The following PIK3CB variants were observed in gnomAD, a reference collection of about 807,000 sequenced individuals.
PIK3CB encodes phosphatidylinositol-4,5-bisphosphate 3-kinase catalytic subunit beta, also known as phosphatidylinositol 4,5-bisphosphate 3-kinase catalytic subunit beta isoform.
A neutral mutation model predicts 136.8 loss-of-function variants in PIK3CB; 39 were observed. The observed-to-expected ratio is 0.29, with a 90% CI of 0.22 to 0.37. PIK3CB has a LOEUF of 0.37. Ranked by LOEUF, PIK3CB falls within the 10% of genes least tolerant of loss-of-function variation. The probability of loss-of-function intolerance (pLI) is 1.00; values close to 1 mark genes in which losing one functional copy is unlikely to be tolerated. For missense variants in PIK3CB, 868 were observed against 1,275.4 expected, an observed-to-expected ratio of 0.68 and a Z score of 4.87; for synonymous variants, 428 against 436.6, an observed-to-expected ratio of 0.98 and a Z score of 0.25.
chr3:138,694,336 C>T (rs888934309), intron 14 of PIK3CB, among the ~76,000 whole-genome samples: 1 of 152,050 alleles, frequency 6.6e-6, no homozygotes, highest in African/African-American at 2.4e-5. Flanking sequence ...ACAAGCTTCC[C>T]TTGCAGACTT....
chr3:138,805,602 G>A (rs1463626506), intron 1 of PIK3CB, among the ~76,000 whole-genome samples: 1 of 151,512 alleles, frequency 6.6e-6, no homozygotes, highest in Admixed American at 6.6e-5. Context: ...AACCTGGGAG[G>A]CGGAGCTTGC....
At chr3:138,765,082 C>A (rs1010675458) in intron 2 of PIK3CB, among the ~76,000 whole-genome samples, 2 of 152,174 alleles carry the variant, frequency 1.3e-5, no homozygotes, top group Non-Finnish European at 2.9e-5. Flanking sequence ...ATCCCACTAG[C>A]ACTTTGGGAG....
At chr3:138,825,824 C>A (rs1410477933) in intron 1 of PIK3CB, 2 of 1,100,182 alleles carry the variant, frequency 1.8e-6, no homozygotes, top group African/African-American at 3.1e-5. Flanking sequence ...TGTTGAAATG[C>A]ACCATGAAGC....
chr3:138,798,944 C>T (rs2046139372), intron 1 of PIK3CB, among the ~76,000 whole-genome samples: 1 of 152,082 alleles, frequency 6.6e-6, no homozygotes, highest in Non-Finnish European at 1.5e-5. Context: ...AAAAGCCTCA[C>T]CAAGCCAGGC....
intron 10 of PIK3CB, 195 bp from the exon 11 acceptor site, chr3:138,707,484 A>G: frequency 7.5e-7 from 1 of 1,330,780 alleles, no homozygotes; most frequent in Non-Finnish European, 9.5e-7. Flanking sequence ...GTTTGCATAC[A>G]TGTTTTAAAA....
intron 13 of PIK3CB, 106 bp downstream of exon 13, chr3:138,698,801 A>T: frequency 1.6e-6 from 1 of 619,478 alleles, no homozygotes; most frequent in Non-Finnish European, 2.7e-6. Flanking sequence ...TCTCCTGCTT[A>T]AATTATCCTA....
intron 7 of PIK3CB, 78 bp downstream of exon 7, chr3:138,734,556 A>G: frequency 9.4e-7 from 1 of 1,067,586 alleles, no homozygotes; most frequent in Non-Finnish European, 1.3e-6. Context: ...TGAGCAAAGG[A>G]AATATGTGTG....
At chr3:138,819,905 C>T (rs1933485069) in intron 1 of PIK3CB, among the ~76,000 whole-genome samples, 1 of 152,164 alleles carries the variant, frequency 6.6e-6, no homozygotes, top group Non-Finnish European at 1.5e-5. Context: ...GAACCTCAGG[C>T]AGAAGCTGCA....
chr3:138,719,648 G>A (rs1023599108), intron 8 of PIK3CB, among the ~76,000 whole-genome samples: 1 of 151,894 alleles, frequency 6.6e-6, no homozygotes, highest in Admixed American at 6.6e-5. Context: ...CTAAATAAAA[G>A]TTTAGTTGCC....
intron 2 of PIK3CB, among the ~76,000 whole-genome samples, chr3:138,763,470 T>C (rs970222026): frequency 3.9e-5 from 6 of 152,186 alleles, no homozygotes; most frequent in Non-Finnish European, 8.8e-5. Flanking sequence ...GGTGGGTTTA[T>C]GAAACATCAG....
intron 8 of PIK3CB, among the ~76,000 whole-genome samples, chr3:138,725,705 T>C (rs2044822337): frequency 6.6e-6 from 1 of 152,246 alleles, no homozygotes; most frequent in African/African-American, 2.4e-5. Flanking sequence ...TTATATCTTC[T>C]ATTTAATGGC....
In PIK3CB at chr3:138,756,315, T is replaced by C. The variant is rs569141328; in HGVS notation, c.172-336A>G. Among the ~76,000 whole-genome samples, 17 of 152,206 alleles carry C rather than the reference T, an allele frequency of 1.1e-4. 1 individual carries two copies. In the South Asian group the frequency reaches 3.5e-3, roughly 31 times the overall value. ...ATATAATGGCATAGTGCACAAAAAA[T>C]GCATTATAAATGAAATTACTAAAAG... On this transcript the variant is annotated intron_variant, in intron 3 of 23. Coordinates refer to ENST00000674063, the MANE Select transcript of PIK3CB (RefSeq NM_006219.3).
intron 1 of PIK3CB, among the ~76,000 whole-genome samples, chr3:138,806,730 G>A (rs2046238379): frequency 6.6e-6 from 1 of 152,122 alleles, no homozygotes; most frequent in Admixed American, 6.5e-5. Flanking sequence ...TGTATTAGGA[G>A]GATAGTGAGA....
chr3:138,719,670 TACA>T (rs926407166), intron 8 of PIK3CB, among the ~76,000 whole-genome samples: 1 of 152,130 alleles, frequency 6.6e-6, no homozygotes, highest in Non-Finnish European at 1.5e-5. Flanking sequence ...GTAAGAACCA[TACA>T]ACAATTATTT....
chr3:138,656,383 T>C, intron 22 of PIK3CB, 109 bp from the exon 23 acceptor site: 1 of 1,174,154 alleles, frequency 8.5e-7, no homozygotes, highest in Non-Finnish European at 1.2e-6. Flanking sequence ...AATAAGAAAA[T>C]TCCTACTGAA....
chr3:138,687,444 T>C (rs2043919077), intron 16 of PIK3CB, among the ~76,000 whole-genome samples: 1 of 152,210 alleles, frequency 6.6e-6, no homozygotes, highest in Admixed American at 6.5e-5. Flanking sequence ...GAAGGGATTT[T>C]AAAAGGGAAA....
chr3:138,800,739 C>T (rs1197279180), intron 1 of PIK3CB, among the ~76,000 whole-genome samples: 3 of 152,216 alleles, frequency 2.0e-5, no homozygotes, highest in African/African-American at 7.2e-5. Context: ...ATTCTACTGC[C>T]TCAGTCTCCT....
chr3:138,777,952 G>A (rs1173974632), intron 2 of PIK3CB: 3 of 315,370 alleles, frequency 9.5e-6, no homozygotes, highest in African/African-American at 4.4e-5. Context: ...TCAACTACAC[G>A]GTCTATATGT....
chr3:138,813,380 G>A (rs1364963498), intron 1 of PIK3CB, among the ~76,000 whole-genome samples: 2 of 151,740 alleles, frequency 1.3e-5, no homozygotes, highest in East Asian at 3.9e-4. Context: ...ATGTTTCTAA[G>A]GCCAAAGTCT....
Sources: gnomAD v4.1 joint callset for allele counts (sites outside exome capture counted in the v4.1 genomes callset) on GRCh38, gnomAD v4.1.1 for gene constraint, MANE v1.5 for transcripts, NCBI Gene and HGNC (gene_info 2026-07-23, HGNC 2026-07-21) for gene names.